Variants in ZDHHC1 observed in about 807,000 individuals in gnomAD.
ZDHHC1 encodes the protein palmitoyltransferase ZDHHC1.
Under a neutral mutation model 46.9 loss-of-function variants are expected in ZDHHC1, and 45 were observed. The ratio of observed to expected loss-of-function variants is 0.96; its 90% CI spans 0.76 to 1.23. ZDHHC1 has a LOEUF of 1.23. Among genes scored for constraint, ZDHHC1 ranks in the 50% most tolerant of loss-of-function variants. The pLI is 0.00. For synonymous variants in ZDHHC1, 291 were observed against 286.0 expected (o/e 1.02, Z -0.18); for missense variants, 649 against 670.8 (o/e 0.97, Z 0.36).
chr16:67,414,690 A>G (rs1350267102), intron 1 of ZDHHC1, among the ~76,000 whole-genome samples: 2 of 152,208 alleles, frequency 1.3e-5, no homozygotes, highest in East Asian at 1.9e-4. Context: ...TCACTTCCTC[A>G]TAAAAAACAT....
Position 67,394,654 on chromosome 16 carries a change from CG to C in ZDHHC1, c.1404del (p.Ser468ArgfsTer86). 1 of 1,232,218 alleles carries C rather than the reference CG, an allele frequency of 8.1e-7. No homozygotes were observed. Among genetic ancestry groups the C allele is most frequent in the South Asian group, 3.2e-5 (1 of 31,388 alleles). 76.3% of individuals were successfully genotyped at this position (1,232,218 alleles called of 1,614,324 possible). ...CGGCCGCCCGGCGCCCTGGGCTCGC[CG>C]CTGCTCGGGCTCACGAAAACGGCGG... ...RAPAVFVSPS[S>X]GEPRAPGGRE... On this transcript the variant is annotated frameshift_variant, in exon 12 of 12. Transcript: ENST00000565726. LOFTEE classifies it low-confidence loss of function (END_TRUNC).
intron 8 of ZDHHC1, 105 bp downstream of exon 8, chr16:67,398,107 G>T: frequency 8.9e-7 from 1 of 1,121,826 alleles, no homozygotes; most frequent in Non-Finnish European, 1.3e-6. Context: ...GCCCCCAGCG[G>T]CTGTTCCAGG....
Position 67,399,410 on chromosome 16 carries a change from C to A in ZDHHC1, c.475G>T (p.Gly159Cys). Reference sequence around the variant, plus strand: ...AGCCACTTGCAGTGGTGGTCGAAACCGCACACGCACTTGTTGCAGGCGCTG... The same window carrying A: ...AGCCACTTGCAGTGGTGGTCGAAACAGCACACGCACTTGTTGCAGGCGCTG... ...HCSACNKCVC[G>C]FDHHCKWLNN... Residue 159 changes from glycine to cysteine, a missense_variant, in exon 5 of 12, where the codon GGT becomes TGT. Coordinates refer to ENST00000565726, the MANE Select transcript of ZDHHC1 (RefSeq NM_001323627.2). 1 of 1,613,376 alleles carries A rather than the reference C, an allele frequency of 6.2e-7. No homozygotes were observed. Among genetic ancestry groups the A allele is most frequent in the African/African-American group, 1.3e-5 (1 of 75,054 alleles).
At chr16:67,408,757 A>G (rs760262699) in intron 1 of ZDHHC1, among the ~76,000 whole-genome samples, 3 of 152,176 alleles carry the variant, frequency 2.0e-5, no homozygotes, top group Non-Finnish European at 4.4e-5. Flanking sequence ...AAGCACTGAG[A>G]TTACATGCAT....
intron 2 of ZDHHC1, among the ~76,000 whole-genome samples, chr16:67,407,024 G>A (rs1456941733): frequency 1.3e-5 from 2 of 152,168 alleles, no homozygotes; most frequent in African/African-American, 4.8e-5. Context: ...GCTGGGGAGG[G>A]GCCAGCACAT....
chr16:67,400,500 T>A (rs2040530639), intron 4 of ZDHHC1, among the ~76,000 whole-genome samples: 2 of 152,206 alleles, frequency 1.3e-5, no homozygotes, highest in Admixed American at 6.5e-5. Flanking sequence ...GCCGGCCAGA[T>A]GTGAATCTGG....
Position 67,394,904 on chromosome 16 carries a change from G to T in ZDHHC1, c.1166-11C>A. ...TGGGGGCCCTAGGCCCTGCGCAAGG[G>T]AAGGGAACATGAGCCCAGTGGCTGC... On this transcript the variant is annotated splice_polypyrimidine_tract_variant and intron_variant, in intron 11 of 11. Coordinates refer to ENST00000565726, the MANE Select transcript of ZDHHC1 (RefSeq NM_001323627.2). The T allele has an allele frequency of 4.5e-6, 7 of 1,567,444 alleles. No individual in the cohort carries two copies. Among genetic ancestry groups the T allele is most frequent in the Admixed American group, 1.8e-5 (1 of 54,358 alleles).
Position 67,394,431 on chromosome 16 carries a change from T to C in ZDHHC1, c.*179A>G. On this transcript the variant is annotated 3_prime_UTR_variant, in exon 12 of 12. Coordinates refer to ENST00000565726, the MANE Select transcript of ZDHHC1 (RefSeq NM_001323627.2). Reference sequence around the variant, plus strand: ...AGTAAGCGCGACGTCCGCAAAAGCATAAAAAAGTTTATTGGAGCATCACAG... The same window carrying C: ...AGTAAGCGCGACGTCCGCAAAAGCACAAAAAAGTTTATTGGAGCATCACAG... 1 of 421,002 alleles carries C rather than the reference T, an allele frequency of 2.4e-6. No homozygotes were observed. Among genetic ancestry groups the C allele is most frequent in the Non-Finnish European group, 3.4e-6 (1 of 292,718 alleles). 26.1% of individuals were successfully genotyped at this position (421,002 alleles called of 1,614,324 possible). A position where few individuals can be genotyped will look rare whatever the true frequency, so the allele number is the denominator to read the frequency against.
chr16:67,415,953 G>A (rs750128482), intron 1 of ZDHHC1, among the ~76,000 whole-genome samples: 5 of 152,136 alleles, frequency 3.3e-5, no homozygotes, highest in Non-Finnish European at 5.9e-5. Context: ...AGTCCTCTGT[G>A]CCCACGCCTG....
chr16:67,397,592 G>A (rs1448799386), intron 8 of ZDHHC1, among the ~76,000 whole-genome samples: 6 of 152,086 alleles, frequency 3.9e-5, no homozygotes, highest in East Asian at 1.9e-4. Context: ...AAGCCTGCCC[G>A]GGCCCCGCCT....
At chr16:67,412,320 T>C (rs2040760400) in intron 1 of ZDHHC1, among the ~76,000 whole-genome samples, 1 of 149,038 alleles carries the variant, frequency 6.7e-6, no homozygotes, top group African/African-American at 2.6e-5. Context: ...ATCATGAGCA[T>C]GTACTGCTTT....
intron 3 of ZDHHC1, among the ~76,000 whole-genome samples, chr16:67,405,476 A>C (rs979577051): frequency 2.0e-5 from 3 of 152,224 alleles, no homozygotes; most frequent in Non-Finnish European, 4.4e-5. Context: ...TTTGTGAAGG[A>C]CACTCAAATA....
rs754478561 is a variant in ZDHHC1, at chr16:67,401,171, C to CT, written c.253-40dup. 56 of 1,604,888 alleles carry CT rather than the reference C, an allele frequency of 3.5e-5. No individual in the cohort carries two copies. The highest frequency in any genetic ancestry group is 4.6e-5 in the Non-Finnish European group (54 of 1,176,448). On this transcript the variant is annotated intron_variant, in intron 3 of 11. Coordinates refer to ENST00000565726, the MANE Select transcript of ZDHHC1 (RefSeq NM_001323627.2). This position sits in a 1 kb window ranked among gnomAD's most constrained non-coding sequence, Gnocchi z 4.6. Reference sequence around the variant, plus strand: ...TTAAAGACTCACTCCACTCTGCCGGCTGGGAGTCCTGCCCCGTTCCTTGCA... The same window carrying CT: ...TTAAAGACTCACTCCACTCTGCCGGCTTGGGAGTCCTGCCCCGTTCCTTGCA...
rs371652928 is a variant in ZDHHC1 at position 67,401,121 on chromosome 16, G to T, written c.264C>A (p.Ala88=). ...GCACCACAAGGTGGCCAGCAAAGAT[G>T]GCGCCCATGCACTGGCCCAGCAGGT... ...WVPAGYACMG[A]IFAGHLVVHL... The change falls in exon 4 of 12, where the codon GCC becomes GCA. Residue 88 remains alanine (A), a synonymous_variant. Coordinates refer to ENST00000565726, the MANE Select transcript of ZDHHC1 (RefSeq NM_001323627.2). The surrounding 1 kb of genome is among the most constrained non-coding windows in gnomAD (Gnocchi z 4.6). 2 of 1,613,756 alleles carry T rather than the reference G, an allele frequency of 1.2e-6. No homozygotes were observed. The highest frequency in any genetic ancestry group is 2.7e-5 in the African/African-American group (2 of 74,912).
chr16:67,395,624 G>C, intron 8 of ZDHHC1, 58 bp from the exon 9 acceptor site: 1 of 1,512,078 alleles, frequency 6.6e-7, no homozygotes, highest in African/African-American at 1.4e-5. Flanking sequence ...CGAGCCTGCT[G>C]AGCCCTAAGC....
chr16:67,411,491 C>T (rs956908251), intron 1 of ZDHHC1, among the ~76,000 whole-genome samples: 3 of 152,198 alleles, frequency 2.0e-5, no homozygotes, highest in Non-Finnish European at 4.4e-5. Flanking sequence ...CTCTTCTGTA[C>T]TCATCTTTCA....
At position 67,394,716 on chromosome 16, in the gene ZDHHC1, C is replaced by T; in HGVS notation, c.1343G>A (p.Gly448Asp). 7.3e-7 allele frequency: 1 copy of T among 1,365,144 alleles called. No individual in the cohort carries two copies. The allele number at this position is 1,365,144 out of a possible 1,614,324, so 84.6% of individuals were successfully genotyped here. ...CTGCCGCGCCAGCGTGGGCTGTCGGCCCCGGCCCCGCGGGGCGGCCAGAGC... is the reference window on the plus strand; with the variant it reads ...CTGCCGCGCCAGCGTGGGCTGTCGGTCCCGGCCCCGCGGGGCGGCCAGAGC... ...SAALAAPRGR[G>D]RQPTLARQAR... Residue 448 changes from glycine (G) to aspartate (D), a missense_variant, in exon 12 of 12, where the codon GGC (glycine) becomes GAC (aspartate). Coordinates refer to ENST00000565726, the MANE Select transcript of ZDHHC1 (RefSeq NM_001323627.2).
At chr16:67,395,702 C>T (rs571178204) in intron 8 of ZDHHC1, 136 bp from the exon 9 acceptor site, 4 of 847,544 alleles carry the variant, frequency 4.7e-6, no homozygotes, top group Admixed American at 2.4e-5. Context: ...CCCAGCCATG[C>T]TGGGAAAACC....
Position 67,406,410 on chromosome 16 carries a change from C to CTCAGG in ZDHHC1, c.41_42insCCTGA (p.Ala15LeufsTer52), listed in dbSNP as rs1442289289. On this transcript the variant is annotated frameshift_variant, in exon 3 of 12. Transcript: ENST00000565726. LOFTEE classifies it high-confidence loss of function. The surrounding 1 kb of genome is among the most constrained non-coding windows in gnomAD (Gnocchi z 4.1). ...CCGTCCACACACTCTTCTCAGGGGC[C>CTCAGG]GTCTTGTTGGAGGGCTTGTTGCAGA... The CTCAGG allele has an allele frequency of 5.3e-5, 83 of 1,562,398 alleles. No individual in the cohort carries two copies. The highest frequency in any genetic ancestry group is 7.1e-5 in the Non-Finnish European group (82 of 1,153,194).
Sources: allele counts gnomAD v4.1 joint callset (sites outside exome capture counted in the v4.1 genomes callset), GRCh38; gene constraint gnomAD v4.1.1; non-coding constraint Gnocchi (gnomAD v3.1); transcripts MANE v1.5; gene names NCBI Gene and HGNC (gene_info 2026-07-23, HGNC 2026-07-21).